The following PTPDC1 variants were observed in gnomAD, a reference collection of about 807,000 sequenced individuals.
PTPDC1 encodes protein tyrosine phosphatase domain containing 1.
A neutral mutation model predicts 75.3 loss-of-function variants in PTPDC1; 53 were observed. The ratio of observed to expected loss-of-function variants is 0.70; its 90% CI spans 0.56 to 0.88. The LOEUF is 0.88. PTPDC1 is among the 40% of genes least tolerant of loss of function. PTPDC1 has a pLI of 0.00. For synonymous variants in PTPDC1, 349 were observed against 366.2 expected, an observed-to-expected ratio of 0.95 and a Z score of 0.54; for missense variants, 925 against 998.6, an observed-to-expected ratio of 0.93 and a Z score of 0.99.
At chr9:94,095,096 T>C (rs566479689) in intron 4 of PTPDC1, among the ~76,000 whole-genome samples, 2 of 152,304 alleles carry the variant, frequency 1.3e-5, no homozygotes, top group Admixed American at 1.3e-4. Flanking sequence ...CCATCTTGGC[T>C]CCTCCCCTCA....
At chr9:94,060,807 T>G (rs1003406613) in intron 1 of PTPDC1, among the ~76,000 whole-genome samples, 1 of 152,130 alleles carries the variant, frequency 6.6e-6, no homozygotes, top group African/African-American at 2.4e-5. Flanking sequence ...CCCCCACCCA[T>G]GATCCAGTTA....
At chr9:94,097,183 A>G (rs1000946401) in intron 5 of PTPDC1, 138 bp from the exon 6 acceptor site, 2 of 655,846 alleles carry the variant, frequency 3.0e-6, no homozygotes, top group Admixed American at 3.1e-5. Context: ...AGTTATCATC[A>G]TAATTGTCCT....
Position 94,098,569 on chromosome 9 carries a change from A to T in PTPDC1, c.2003A>T (p.Glu668Val). 6.2e-7 allele frequency: 1 copy of T among 1,612,670 alleles called. No individual in the cohort carries two copies. The highest frequency in any genetic ancestry group is 8.5e-7 in the Non-Finnish European group (1 of 1,179,318). ...AAGGAGGAACTAAAAAGGAAGGTAG[A>T]AATGTGGCAGGTATTATTAGTACTT... Reference protein sequence around the residue: ...VEKEELKRKVEMWQKELNSRD... With the variant: ...VEKEELKRKVVMWQKELNSRD... Residue 668 changes from glutamate (E) to valine (V), a missense_variant, in exon 6 of 9, where the codon GAA becomes GTA. Coordinates refer to ENST00000620992, the MANE Select transcript of PTPDC1 (RefSeq NM_001253829.2).
intron 1 of PTPDC1, among the ~76,000 whole-genome samples, chr9:94,038,813 T>G (rs141885957): frequency 0.076 from 11,562 of 152,314 alleles, 592 homozygotes; most frequent in East Asian, 0.14. Flanking sequence ...GGTAGCAATG[T>G]CTACTTTATA....
rs1239130631 is a variant in PTPDC1 at position 94,098,465 on chromosome 9, A to G, written c.1899A>G (p.Ala633=). 2.5e-6 allele frequency: 4 copies of G among 1,614,080 alleles called. No individual in the cohort carries two copies. Among genetic ancestry groups the G allele is most frequent in the Non-Finnish European group, 3.4e-6 (4 of 1,180,026 alleles). Residue 633 remains alanine (A), a synonymous_variant, in exon 6 of 9, where the codon GCA becomes GCG. Coordinates refer to ENST00000620992, the MANE Select transcript of PTPDC1 (RefSeq NM_001253829.2). ...TGTCTGAAGCAGCTTCACACTCTGC[A>G]TTACAGTCTGAATTGAGTGCTGAGG... ...KDLSEAASHS[A]LQSELSAEAR...
At chr9:94,052,114 G>T (rs1397642189) in intron 1 of PTPDC1, among the ~76,000 whole-genome samples, 1 of 152,056 alleles carries the variant, frequency 6.6e-6, no homozygotes, top group East Asian at 1.9e-4. Context: ...ACCATTTTAA[G>T]TATACATTTC....
In PTPDC1 at chr9:94,085,431, T is replaced by G. The variant is rs755559624; in HGVS notation, c.416+9T>G. 1 of 1,613,820 alleles carries G rather than the reference T, an allele frequency of 6.2e-7. No individual in the cohort carries two copies. The highest frequency in any genetic ancestry group is 2.2e-5 in the East Asian group (1 of 44,864). Reference sequence around the variant, plus strand: ...GGGGTTTACTCATCCTGGTGAGTGATCCTGTTGGTCTTTCATAGCTCTGTT... The same window carrying G: ...GGGGTTTACTCATCCTGGTGAGTGAGCCTGTTGGTCTTTCATAGCTCTGTT... On this transcript the variant is annotated intron_variant, in intron 2 of 8. Transcript: ENST00000620992.
chr9:94,098,030 C>T lies in PTPDC1; in HGVS notation c.1464C>T (p.Tyr488=), dbSNP rs147739343. Residue 488 remains tyrosine (Y), a synonymous_variant, in exon 6 of 9, where the codon TAC becomes TAT. Transcript: ENST00000620992. ...PRQQKLISHC[Y]IPQSPEPDLH... ...AGCAGAAGCTCATAAGCCATTGTTA[C>T]ATCCCACAGTCTCCAGAACCAGACT... 231 of 1,614,204 alleles carry T rather than the reference C, an allele frequency of 1.4e-4. No homozygotes were observed. The highest frequency in any genetic ancestry group is 1.9e-4 in the Non-Finnish European group (219 of 1,180,032).
At chr9:94,081,485 G>C (rs189453036), upstream of PTPDC1, among the ~76,000 whole-genome samples, 5 of 152,090 alleles carry the variant, frequency 3.3e-5, 1 homozygote, top group Non-Finnish European at 5.9e-5. Context: ...CTATGATCAC[G>C]TCACTGCTCT....
chr9:94,054,510 G>A (rs892715349), intron 1 of PTPDC1, among the ~76,000 whole-genome samples: 3 of 152,144 alleles, frequency 2.0e-5, no homozygotes, highest in African/African-American at 7.2e-5. Context: ...ATTTAGACTA[G>A]CATTCCTGTT....
chr9:94,085,607 C>A (rs183392629), intron 2 of PTPDC1, among the ~76,000 whole-genome samples, 185 bp downstream of exon 2: 13 of 152,238 alleles, frequency 8.5e-5, no homozygotes, highest in Admixed American at 6.5e-5. Context: ...GTTTCTTTAT[C>A]TGTAAGGTGG....
chr9:94,047,304 C>G (rs937952267), intron 1 of PTPDC1, among the ~76,000 whole-genome samples: 2 of 152,072 alleles, frequency 1.3e-5, no homozygotes, highest in African/African-American at 4.8e-5. Context: ...GTCTAAAATT[C>G]TCTTTTTTTG....
chr9:94,064,962 A>T, intron 2 of PTPDC1: 1 of 632,376 alleles, frequency 1.6e-6, no homozygotes. Flanking sequence ...CTGCCTTACC[A>T]TCTTGGCCTG....
chr9:94,104,189 C>T, intron 7 of PTPDC1, 86 bp from the exon 8 acceptor site: 3 of 796,812 alleles, frequency 3.8e-6, no homozygotes, highest in South Asian at 1.8e-5. Context: ...GGTCACAAAC[C>T]AATTCTTGAC....
At chr9:94,045,577 C>T (rs1347314260) in intron 1 of PTPDC1, among the ~76,000 whole-genome samples, 1 of 152,096 alleles carries the variant, frequency 6.6e-6, no homozygotes, top group Non-Finnish European at 1.5e-5. Flanking sequence ...TTTTGATTTG[C>T]ATTTCTCTGA....
Position 94,085,263 on chromosome 9 carries a change from G to A in PTPDC1, c.257G>A (p.Arg86His), listed in dbSNP as rs143596868. The A allele has an allele frequency of 6.9e-5, 112 of 1,613,590 alleles. No homozygotes were observed. The highest frequency in any genetic ancestry group is 6.7e-4 in the African/African-American group (50 of 74,992). Residue 86 changes from arginine to histidine, a missense_variant, in exon 2 of 9, where the codon CGT becomes CAT. Arg to His is a conservative substitution (Grantham distance 29). Coordinates refer to ENST00000620992, the MANE Select transcript of PTPDC1 (RefSeq NM_001253829.2). ...PERKSKGNLERPTPKYTKVGE... is the reference protein window; with the variant it reads ...PERKSKGNLEHPTPKYTKVGE... ...TTATATGTTCTAGGAAATTTAGAAC[G>A]TCCAACACCAAAGTACACAAAAGTA...
chr9:94,095,085 G>A (rs1263750639), intron 4 of PTPDC1, among the ~76,000 whole-genome samples: 2 of 152,174 alleles, frequency 1.3e-5, no homozygotes, highest in Non-Finnish European at 2.9e-5. Context: ...TTCCTATTCG[G>A]CCATCTTGGC....
chr9:94,108,888 G>A lies in PTPDC1; in HGVS notation c.*944G>A, dbSNP rs1828113531. The A allele has an allele frequency of 6.6e-6, 1 of 152,506 alleles. No homozygotes were observed. The highest frequency in any genetic ancestry group is 1.9e-4 in the East Asian group (1 of 5,178). 9.4% of individuals were successfully genotyped at this position (152,506 alleles called of 1,614,324 possible). A position where few individuals can be genotyped will look rare whatever the true frequency, so the allele number is the denominator to read the frequency against. On this transcript the variant is annotated 3_prime_UTR_variant, in exon 9 of 9. Transcript: ENST00000620992. ...TCAGATGCCACAGCCACTCTGCAGA[G>A]GTGACTCTTGGAGCTGGAGGAAGTC... is the stretch of plus-strand genomic sequence containing the variant.
At chr9:94,070,967 T>A (rs1400471219) in intron 2 of PTPDC1, among the ~76,000 whole-genome samples, 1 of 152,232 alleles carries the variant, frequency 6.6e-6, no homozygotes, top group African/African-American at 2.4e-5. Context: ...ATAAAGCTGC[T>A]GTAAACATTC....
Sources: allele counts gnomAD v4.1 joint callset (sites outside exome capture counted in the v4.1 genomes callset), GRCh38; gene constraint gnomAD v4.1.1; transcripts MANE v1.5; gene names NCBI Gene and HGNC (gene_info 2026-07-23, HGNC 2026-07-21).